Variants in NEDD9 observed in about 807,000 individuals in gnomAD.
The protein encoded by NEDD9 is enhancer of filamentation 1.
In NEDD9, 26 loss-of-function variants were observed where a neutral mutation model predicts 76.6. The observed-to-expected ratio is 0.34, with a 90% CI of 0.25 to 0.47. The LOEUF (loss-of-function observed/expected upper bound fraction) is 0.47. Among genes scored for constraint, NEDD9 ranks in the 20% least tolerant of loss-of-function variants. NEDD9 has a pLI of 1.00. For missense variants in NEDD9, 937 were observed against 1,058.5 expected, an observed-to-expected ratio of 0.89 and a Z score of 1.59; for synonymous variants, 392 against 414.2, an observed-to-expected ratio of 0.95 and a Z score of 0.65.
At chr6:11,364,723 A>G (rs1387822803) in intron 1 of NEDD9, among the ~76,000 whole-genome samples, 6 of 152,126 alleles carry the variant, frequency 3.9e-5, no homozygotes. Flanking sequence ...TTAGGATGTA[A>G]TCTCCCGTCC....
At chr6:11,268,725 T>TCACACACACACACACACACAGACACA (rs1219797091) in intron 3 of NEDD9, among the ~76,000 whole-genome samples, 2 of 135,164 alleles carry the variant, frequency 1.5e-5, no homozygotes, top group Non-Finnish European at 3.2e-5. Flanking sequence ...CGAAGCTCCA[T>TCACACACACACACACACACAGACACA]CACACACACA....
In NEDD9 at chr6:11,279,177, C is replaced by G. The variant is rs74822442; in HGVS notation, c.12+26815G>C. 4.0e-3 allele frequency among the ~76,000 whole-genome samples: 608 copies of G among 152,330 alleles called. 4 individuals carry two copies. Among genetic ancestry groups the G allele is most frequent in the African/African-American group, 0.014 (583 of 41,560 alleles). On this transcript the variant is annotated intron_variant, in intron 3 of 3. Coordinates refer to the NEDD9 transcript ENST00000397378. Reference sequence around the variant, plus strand: ...CTTTAATAGGGTGAACTTGAGCTATCTGGAAGATTCACTTAAAATATGATA... The same window carrying G: ...CTTTAATAGGGTGAACTTGAGCTATGTGGAAGATTCACTTAAAATATGATA...
intron 2 of NEDD9, among the ~76,000 whole-genome samples, chr6:11,326,373 G>T (rs1384492713): frequency 6.6e-6 from 1 of 152,184 alleles, no homozygotes; most frequent in Non-Finnish European, 1.5e-5. Context: ...TGGCATCTAA[G>T]AAATTCTTGA....
chr6:11,306,031 G>C (rs1416253068), exon 3 of NEDD9: 3 of 1,613,882 alleles, frequency 1.9e-6, no homozygotes. Flanking sequence ...TGCAGCTCTG[G>C]ATGTTGGAAA....
At chr6:11,299,377 C>T (rs527922831) in intron 3 of NEDD9, among the ~76,000 whole-genome samples, 300 of 152,362 alleles carry the variant, frequency 2.0e-3, no homozygotes, top group African/African-American at 6.6e-3. Context: ...GAGCCCACCA[C>T]AGCTCAGTAA....
intron 3 of NEDD9, among the ~76,000 whole-genome samples, chr6:11,268,793 G>A (rs763729878): frequency 2.6e-5 from 4 of 151,746 alleles, no homozygotes; most frequent in African/African-American, 9.7e-5. Context: ...GGGAAAAAGG[G>A]CTAAATTTAT....
intron 1 of NEDD9, among the ~76,000 whole-genome samples, chr6:11,224,681 A>G (rs1394409899): frequency 6.6e-6 from 1 of 152,158 alleles, no homozygotes; most frequent in Non-Finnish European, 1.5e-5. Context: ...AAGACTCAGA[A>G]GTAGCTGGAG....
intron 1 of NEDD9, among the ~76,000 whole-genome samples, chr6:11,355,445 G>T (rs562530794): frequency 6.6e-6 from 1 of 152,152 alleles, no homozygotes; most frequent in African/African-American, 2.4e-5. Context: ...CAGCCAAAAC[G>T]CAAGAACTGT....
intron 2 of NEDD9, among the ~76,000 whole-genome samples, chr6:11,331,888 C>A (rs914854530): frequency 1.3e-5 from 2 of 152,192 alleles, no homozygotes; most frequent in Admixed American, 6.5e-5. Flanking sequence ...GTGGCAGCAG[C>A]AAGCCCAGAC....
intron 1 of NEDD9, among the ~76,000 whole-genome samples, chr6:11,348,983 A>T (rs1271325749): frequency 6.6e-6 from 1 of 152,252 alleles, no homozygotes; most frequent in Non-Finnish European, 1.5e-5. Flanking sequence ...CATAGGGAAC[A>T]GACGACCTAC....
intron 2 of NEDD9, among the ~76,000 whole-genome samples, chr6:11,210,001 G>GA (rs1328976412): frequency 7.5e-6 from 1 of 133,820 alleles, no homozygotes; most frequent in African/African-American, 2.9e-5. Context: ...TTCATTAGTA[G>GA]AAAAAAGCAG....
intron 2 of NEDD9, among the ~76,000 whole-genome samples, chr6:11,319,391 C>G (rs1305578231): frequency 1.5e-5 from 2 of 129,040 alleles, no homozygotes; most frequent in Non-Finnish European, 3.5e-5. Context: ...GTCTCACACT[C>G]ACACACACTC....
At chr6:11,278,255 C>T (rs1055471230) in intron 3 of NEDD9, among the ~76,000 whole-genome samples, 9 of 152,292 alleles carry the variant, frequency 5.9e-5, no homozygotes, top group Middle Eastern at 3.4e-3. Context: ...TCATCTGAAG[C>T]GAATTCTGTA....
At position 11,213,875 on chromosome 6, in the gene NEDD9, G is replaced by T; in HGVS notation, c.13-148C>A. Reference sequence around the variant, plus strand: ...ATAGACTGTAAGGAGAAAAACAGATGGTGCAGACAAAAGACAGATACATAT... The same window carrying T: ...ATAGACTGTAAGGAGAAAAACAGATTGTGCAGACAAAAGACAGATACATAT... On this transcript the variant is annotated intron_variant, in intron 1 of 6. Transcript: ENST00000379446. This position sits in a 1 kb window ranked among gnomAD's most constrained non-coding sequence, Gnocchi z 5.4. The T allele has an allele frequency of 1.4e-6, 1 of 714,810 alleles. No homozygotes were observed. 44.3% of individuals were successfully genotyped at this position (714,810 alleles called of 1,614,324 possible).
In NEDD9 at chr6:11,241,284, T is replaced by C. The variant is rs1759703056; in HGVS notation, c.13-27557A>G. On this transcript the variant is annotated intron_variant, in intron 3 of 3. Transcript: ENST00000397378. The surrounding 1 kb of genome is among the most constrained non-coding windows in gnomAD (Gnocchi z 4.0). ...CTTGCTAACCTTTGTGCTTCCTCTATATGTTCTTACATTTGAAAAGTCTTC... is the reference window on the plus strand; with the variant it reads ...CTTGCTAACCTTTGTGCTTCCTCTACATGTTCTTACATTTGAAAAGTCTTC... Among the ~76,000 whole-genome samples the C allele has an allele frequency of 6.6e-6, 1 of 152,230 alleles. No individual in the cohort carries two copies. Among genetic ancestry groups the C allele is most frequent in the Non-Finnish European group, 1.5e-5 (1 of 68,034 alleles).
intron 2 of NEDD9, among the ~76,000 whole-genome samples, chr6:11,313,398 T>A (rs1582019299): frequency 6.8e-6 from 1 of 147,528 alleles, no homozygotes; most frequent in Non-Finnish European, 1.5e-5. Context: ...GGTGAAGGGG[T>A]GGATGGATGG....
chr6:11,321,802 CA>C (rs1224167194), intron 2 of NEDD9, among the ~76,000 whole-genome samples: 2 of 152,142 alleles, frequency 1.3e-5, no homozygotes, highest in Non-Finnish European at 2.9e-5. Context: ...CCAGGGGAGA[CA>C]AACCTTCCAG....
At chr6:11,286,549 C>T (rs755259083) in intron 3 of NEDD9, among the ~76,000 whole-genome samples, 2 of 152,098 alleles carry the variant, frequency 1.3e-5, no homozygotes, top group Non-Finnish European at 2.9e-5. Context: ...TCTAATTGCC[C>T]CCAACTGGGA....
chr6:11,340,493 TC>T (rs1379615151), intron 1 of NEDD9, among the ~76,000 whole-genome samples: 2 of 152,220 alleles, frequency 1.3e-5, no homozygotes, highest in Non-Finnish European at 1.5e-5. Flanking sequence ...CATTTAATCG[TC>T]ATAATATCTT....
Sources: gnomAD v4.1 joint callset for allele counts (sites outside exome capture counted in the v4.1 genomes callset) on GRCh38, gnomAD v4.1.1 for gene constraint, Gnocchi (gnomAD v3.1) non-coding constraint, MANE v1.5 for transcripts, NCBI Gene and HGNC (gene_info 2026-07-23, HGNC 2026-07-21) for gene names.